The following ASB2 variants were observed in gnomAD, a reference collection of about 807,000 sequenced individuals.
The protein encoded by ASB2 is ankyrin repeat and SOCS box protein 2.
ASB2 carries 58 observed loss-of-function variants against 62.4 expected under a neutral mutation model. The observed-to-expected ratio is 0.93, with a 90% CI of 0.75 to 1.16. The LOEUF (loss-of-function observed/expected upper bound fraction) is 1.16. ASB2 is among the 50% of genes most tolerant of loss of function. The probability of loss-of-function intolerance (pLI) is 0.00; values close to 1 mark genes in which losing one functional copy is unlikely to be tolerated. For missense variants in ASB2, 928 were observed against 887.9 expected (o/e 1.05, Z -0.57); for synonymous variants, 386 against 385.3 (o/e 1.00, Z -0.02).
Position 93,939,415 on chromosome 14 carries a change from G to C in ASB2, c.1310C>G (p.Pro437Arg). 6.2e-7 allele frequency: 1 copy of C among 1,612,864 alleles called. No homozygotes were observed. The highest frequency in any genetic ancestry group is 2.2e-5 in the East Asian group (1 of 44,860). Reference sequence around the variant, plus strand: ...CAAGGGGCTGATGACGTCGCGGTTGGGGTCGGCGCCGTGTTGCAGCAGCAG... The same window carrying C: ...CAAGGGGCTGATGACGTCGCGGTTGCGGTCGGCGCCGTGTTGCAGCAGCAG... ...TELLLQHGAD[P>R]NRDVISPLLV... Residue 437 changes from proline to arginine, a missense_variant, in exon 8 of 10, where the codon CCC becomes CGC. Pro to Arg is a moderately radical substitution (Grantham distance 103). Transcript: ENST00000555019.
chr14:93,953,385 A>G lies in ASB2; in HGVS notation c.601T>C (p.Ser201Pro), dbSNP rs145015699. ...LLQAGAEPDI[S>P]NKSRETPLYK... is the part of the protein sequence containing the mutation. Reference sequence around the variant, plus strand: ...AGCGGTGTCTCTCGGGATTTGTTGGAGATGTCCGGCTCTGCCCCTGCTTGG... The same window carrying G: ...AGCGGTGTCTCTCGGGATTTGTTGGGGATGTCCGGCTCTGCCCCTGCTTGG... Residue 201 changes from serine (S) to proline (P), a missense_variant, in exon 5 of 10, where the codon TCC becomes CCC. Ser to Pro is a moderately conservative substitution (Grantham distance 74). Transcript: ENST00000555019. 1.3e-6 allele frequency: 2 copies of G among 1,596,392 alleles called. No homozygotes were observed. Among genetic ancestry groups the G allele is most frequent in the Non-Finnish European group, 1.7e-6 (2 of 1,166,036 alleles).
chr14:93,973,061 C>T (rs1187446056), intron 1 of ASB2, among the ~76,000 whole-genome samples: 2 of 152,230 alleles, frequency 1.3e-5, no homozygotes, highest in Non-Finnish European at 2.9e-5. Context: ...GGAGGTGACT[C>T]AAGAGGTGTG....
chr14:93,943,066 T>G (rs1434240481), intron 7 of ASB2, among the ~76,000 whole-genome samples: 1 of 152,204 alleles, frequency 6.6e-6, no homozygotes, highest in Non-Finnish European at 1.5e-5. Flanking sequence ...GAACTTAATC[T>G]CATTTACTCA....
At chr14:93,970,831 A>C (rs1368601314) in intron 1 of ASB2, among the ~76,000 whole-genome samples, 1 of 152,160 alleles carries the variant, frequency 6.6e-6, no homozygotes, top group Non-Finnish European at 1.5e-5. Context: ...TCATCTATAA[A>C]ATGAAGATAT....
intron 1 of ASB2, among the ~76,000 whole-genome samples, chr14:93,970,492 T>A (rs1400536399): frequency 6.6e-6 from 1 of 152,130 alleles, no homozygotes; most frequent in Non-Finnish European, 1.5e-5. Context: ...CACATTCTAC[T>A]GCTTGGACTG....
In ASB2 at chr14:93,939,177, C is replaced by T. The variant is rs369349206; in HGVS notation, c.1548G>A (p.Pro516=). 2.0e-4 allele frequency: 308 copies of T among 1,576,640 alleles called. 2 individuals are homozygous for T. Among genetic ancestry groups the T allele is most frequent in the Non-Finnish European group, 3.6e-5 (42 of 1,154,578 alleles). The change falls in exon 8 of 10, where the codon CCG becomes CCA. Residue 516 remains proline, a synonymous_variant. Transcript: ENST00000555019. The part of the protein sequence containing the change: ...FSCLYGNGPH[P]PAPQPSSRFN... ...ACCTGCTGGAGGGCTGCGGGGCCGGCGGGTGCGGGCCGTTGCCGTAGAGGC... is the reference window on the plus strand; with the variant it reads ...ACCTGCTGGAGGGCTGCGGGGCCGGTGGGTGCGGGCCGTTGCCGTAGAGGC...
intron 7 of ASB2, among the ~76,000 whole-genome samples, chr14:93,942,615 T>C (rs890936239): frequency 3.9e-5 from 6 of 152,210 alleles, no homozygotes; most frequent in Non-Finnish European, 8.8e-5. Context: ...GGCTCTGATG[T>C]CCTTCCTGAA....
chr14:93,954,200 GC>G, intron 4 of ASB2, 116 bp downstream of exon 4: 1 of 821,348 alleles, frequency 1.2e-6, no homozygotes, highest in Non-Finnish European at 2.0e-6. Flanking sequence ...GAAAGTGACA[GC>G]CTTGCCTGCC....
chr14:93,944,146 C>T (rs1888636060), intron 7 of ASB2: 1 of 375,832 alleles, frequency 2.7e-6, no homozygotes. Context: ...GCCATCTCGT[C>T]AGGTGGGGCC....
intron 9 of ASB2, among the ~76,000 whole-genome samples, chr14:93,935,262 G>A (rs961270391): frequency 6.6e-6 from 1 of 152,228 alleles, no homozygotes; most frequent in South Asian, 2.1e-4. Flanking sequence ...GGATAAGGGG[G>A]CAGAGACTGA....
chr14:93,959,993 C>A (rs562948140), intron 2 of ASB2, among the ~76,000 whole-genome samples: 1 of 114,024 alleles, frequency 8.8e-6, no homozygotes, highest in African/African-American at 4.5e-5. Context: ...ACCCCACGCC[C>A]ACCCCATGCC....
intron 7 of ASB2, among the ~76,000 whole-genome samples, chr14:93,946,084 G>C (rs1888711656): frequency 6.6e-6 from 1 of 152,232 alleles, no homozygotes; most frequent in Non-Finnish European, 1.5e-5. Context: ...AACGATGAGA[G>C]TATAGATATT....
At chr14:93,954,583 G>A (rs992977969) in intron 3 of ASB2, 100 bp from the exon 4 acceptor site, 7 of 1,063,364 alleles carry the variant, frequency 6.6e-6, no homozygotes, top group Admixed American at 4.2e-5. Flanking sequence ...CTCGGTCCTC[G>A]TCCCTGCTGG....
Position 93,939,429 on chromosome 14 carries a change from T to TTGCA in ASB2, c.1292_1295dup (p.Gln432HisfsTer112). ...CGTCGCGGTTGGGGTCGGCGCCGTG[T>TTGCA]TGCAGCAGCAGCTCGGTGGCGTACA... On this transcript the variant is annotated frameshift_variant, in exon 8 of 10. Transcript: ENST00000555019. LOFTEE classifies it high-confidence loss of function. 1 of 1,612,768 alleles carries TTGCA rather than the reference T, an allele frequency of 6.2e-7. No individual in the cohort carries two copies. The highest frequency in any genetic ancestry group is 1.1e-5 in the South Asian group (1 of 91,070).
chr14:93,937,627 C>A, intron 9 of ASB2, 71 bp downstream of exon 9: 1 of 1,497,962 alleles, frequency 6.7e-7, no homozygotes, highest in Non-Finnish European at 9.1e-7. Context: ...AACAGTCGCA[C>A]TCCCTGAGGC....
chr14:93,950,985 C>A lies in ASB2; in HGVS notation c.880+14G>T, dbSNP rs1374695382. On this transcript the variant is annotated intron_variant, in intron 6 of 9. Transcript: ENST00000555019. Reference sequence around the variant, plus strand: ...TTTGGGGACTCCATGACCTAGGGACCCTTAGCCACTCACCGTACTTGGCTA... The same window carrying A: ...TTTGGGGACTCCATGACCTAGGGACACTTAGCCACTCACCGTACTTGGCTA... 6.2e-7 allele frequency: 1 copy of A among 1,609,072 alleles called. No homozygotes were observed.
intron 9 of ASB2, among the ~76,000 whole-genome samples, chr14:93,935,441 CATT>C (rs1169239655): frequency 2.0e-5 from 3 of 152,072 alleles, no homozygotes; most frequent in African/African-American, 7.2e-5. Flanking sequence ...TTCATTCATT[CATT>C]CATTCACCAG....
chr14:93,956,204 C>T (rs759252919), intron 3 of ASB2, among the ~76,000 whole-genome samples: 2 of 152,114 alleles, frequency 1.3e-5, no homozygotes, highest in Non-Finnish European at 2.9e-5. Context: ...TAGCCCTGCC[C>T]CCTGGTGCCA....
chr14:93,974,710 C>A (rs1297350622), intron 1 of ASB2, among the ~76,000 whole-genome samples: 1 of 152,232 alleles, frequency 6.6e-6, no homozygotes, highest in Non-Finnish European at 1.5e-5. Context: ...CAGCCTTAAG[C>A]AAGACTTTTA....
Sources: gnomAD v4.1 joint callset for allele counts (sites outside exome capture counted in the v4.1 genomes callset) on GRCh38, gnomAD v4.1.1 for gene constraint, MANE v1.5 for transcripts, NCBI Gene and HGNC (gene_info 2026-07-23, HGNC 2026-07-21) for gene names.